Variants in KCNU1 observed in about 807,000 individuals in gnomAD.
The protein encoded by KCNU1 is potassium channel subfamily U member 1.
In KCNU1, 93 loss-of-function variants were observed where a neutral mutation model predicts 126.8. That is an observed-to-expected ratio of 0.73 (90% CI 0.62 to 0.87). The LOEUF is 0.87. KCNU1 is among the 40% of genes least tolerant of loss of function. KCNU1 has a pLI of 0.00. For synonymous variants in KCNU1, 523 were observed against 494.2 expected (o/e 1.06, Z -0.77); for missense variants, 1,330 against 1,367.1 (o/e 0.97, Z 0.43).
intron 9 of KCNU1, among the ~76,000 whole-genome samples, chr8:36,816,742 T>A (rs1361633740): frequency 9.2e-5 from 14 of 152,086 alleles, no homozygotes; most frequent in Non-Finnish European, 1.6e-4. Flanking sequence ...GTAAGAAAAT[T>A]TTTCATGACA....
chr8:36,900,502 G>A (rs1807372237), intron 19 of KCNU1, among the ~76,000 whole-genome samples: 1 of 152,044 alleles, frequency 6.6e-6, no homozygotes, highest in African/African-American at 2.4e-5. Flanking sequence ...AGGTGTGGGA[G>A]GGGGTATGTG....
chr8:36,785,438 A>G (rs1276651075), intron 1 of KCNU1, among the ~76,000 whole-genome samples: 2 of 152,186 alleles, frequency 1.3e-5, no homozygotes, highest in Non-Finnish European at 2.9e-5. Context: ...AATATTGAAA[A>G]TTTGCTTAAA....
chr8:36,857,076 G>A (rs1323644359), intron 18 of KCNU1, among the ~76,000 whole-genome samples: 1 of 152,212 alleles, frequency 6.6e-6, no homozygotes, highest in Admixed American at 6.5e-5. Context: ...TTGCAGGATG[G>A]TGGGTGGTGT....
chr8:36,864,646 C>T (rs1463664585), intron 19 of KCNU1, 125 bp downstream of exon 19: 23 of 636,928 alleles, frequency 3.6e-5, no homozygotes, highest in Admixed American at 1.3e-4. Context: ...ATTGTTCCTC[C>T]CCAAAATGAG....
In KCNU1 at chr8:36,840,977, C is replaced by A; in HGVS notation, c.1677C>A (p.Tyr559Ter). Reference protein sequence around the residue: ...KMHLLLIAIEYKSLFTDGFCG... With the variant: ...KMHLLLIAIE ...ACCTCCTGTTGATAGCCATCGAATA[C>A]AAGTCCCTCTTTACGGATGGTTTCT... Residue 559 changes from tyrosine (Y) to a stop codon, truncating the protein, a stop_gained, in exon 16 of 27, where the codon TAC becomes TAA. Coordinates refer to ENST00000399881, the MANE Select transcript of KCNU1 (RefSeq NM_001031836.3). LOFTEE classifies it high-confidence loss of function. The A allele has an allele frequency of 6.2e-7, 1 of 1,610,126 alleles. No homozygotes were observed. Among genetic ancestry groups the A allele is most frequent in the Non-Finnish European group, 8.5e-7 (1 of 1,177,370 alleles).
At chr8:36,910,760 G>A (rs1337933670) in intron 21 of KCNU1, among the ~76,000 whole-genome samples, 170 bp from the exon 22 acceptor site, 1 of 152,100 alleles carries the variant, frequency 6.6e-6, no homozygotes, top group Admixed American at 6.5e-5. Context: ...ATTAATGTTT[G>A]ATAAGGTTAA....
chr8:36,864,449 C>G lies in KCNU1; in HGVS notation c.1937C>G (p.Ser646Cys), dbSNP rs1201482161. 1 of 1,612,862 alleles carries G rather than the reference C, an allele frequency of 6.2e-7. No individual in the cohort carries two copies. The highest frequency in any genetic ancestry group is 1.1e-5 in the South Asian group (1 of 91,046). The change falls in exon 19 of 27, where the codon TCT becomes TGT. Residue 646 changes from serine (S) to cysteine (C), a missense_variant. Physicochemically the swap from Ser to Cys is moderately radical, Grantham distance 112. Transcript: ENST00000399881. ...RMKKCLKGIS[S>C]RISGQDSPPR... is the part of the protein sequence containing the mutation. ...AAAAAATGTCTGAAGGGAATCTCCT[C>G]TCGTATATCAGGGCAGGATTCTCCG...
intron 10 of KCNU1, among the ~76,000 whole-genome samples, chr8:36,831,448 A>G (rs1804542982): frequency 6.6e-6 from 1 of 152,154 alleles, no homozygotes; most frequent in African/African-American, 2.4e-5. Flanking sequence ...AATGATTGCC[A>G]TTCTAACTGC....
chr8:36,832,897 T>C (rs1804606781), intron 10 of KCNU1, among the ~76,000 whole-genome samples: 1 of 152,148 alleles, frequency 6.6e-6, no homozygotes, highest in African/African-American at 2.4e-5. Context: ...TAAAGAATTG[T>C]TGCAATTTCT....
chr8:36,877,001 A>G (rs1460112548), intron 19 of KCNU1, among the ~76,000 whole-genome samples: 4 of 152,308 alleles, frequency 2.6e-5, no homozygotes, highest in East Asian at 1.9e-4. Flanking sequence ...ATAATTTACT[A>G]TACCAAATTA....
chr8:36,809,512 C>T (rs1189486067), intron 7 of KCNU1, among the ~76,000 whole-genome samples: 1 of 152,136 alleles, frequency 6.6e-6, no homozygotes, highest in Non-Finnish European at 1.5e-5. Context: ...TTTAAAAATC[C>T]ATTAAAAAGT....
intron 18 of KCNU1, among the ~76,000 whole-genome samples, chr8:36,854,790 C>T (rs1284045735): frequency 2.0e-5 from 3 of 151,956 alleles, no homozygotes; most frequent in Non-Finnish European, 4.4e-5. Flanking sequence ...TGTTTCTTTC[C>T]AAGTCTTATA....
chr8:36,826,730 CT>C (rs932462363), intron 10 of KCNU1, among the ~76,000 whole-genome samples: 1 of 151,700 alleles, frequency 6.6e-6, no homozygotes, highest in Non-Finnish European at 1.5e-5. Context: ...AAAAAAGTAA[CT>C]TTTATTTTCA....
chr8:36,902,068 C>A (rs78287278), intron 19 of KCNU1, among the ~76,000 whole-genome samples: 1 of 152,026 alleles, frequency 6.6e-6, no homozygotes, highest in Admixed American at 6.6e-5. Flanking sequence ...TATGGCAGAA[C>A]GGAGCTTTAG....
At chr8:36,819,860 C>T (rs1804056545) in intron 10 of KCNU1, among the ~76,000 whole-genome samples, 1 of 152,132 alleles carries the variant, frequency 6.6e-6, no homozygotes, top group East Asian at 1.9e-4. Context: ...AATGTGAATT[C>T]TCTTTCTTCT....
chr8:36,889,472 G>GA (rs959301749), intron 19 of KCNU1, among the ~76,000 whole-genome samples: 164 of 149,916 alleles, frequency 1.1e-3, no homozygotes, highest in African/African-American at 3.1e-3. Flanking sequence ...CACTTTTAAG[G>GA]AAAAAAAAAC....
At chr8:36,891,843 C>T (rs551894342) in intron 19 of KCNU1, among the ~76,000 whole-genome samples, 1 of 152,018 alleles carries the variant, frequency 6.6e-6, no homozygotes, top group Admixed American at 6.6e-5. Flanking sequence ...TATTAAGGAT[C>T]CCTTGTAGAT....
In KCNU1 at chr8:36,900,038, T is replaced by G. The variant is rs200217310; in HGVS notation, c.2010-5670T>G. Among the ~76,000 whole-genome samples, 5 of 152,142 alleles carry G rather than the reference T, an allele frequency of 3.3e-5. No individual in the cohort carries two copies. The East Asian group carries it at 5.8e-4, about 18-fold the overall frequency. On this transcript the variant is annotated intron_variant, in intron 19 of 26. Transcript: ENST00000399881. ...TGGCAACCAAGGGGGCTTGGTGCTT[T>G]GGAAGTAACCAGGCTGCTGTCAACG...
chr8:36,806,523 A>G, intron 5 of KCNU1, 143 bp downstream of exon 5: 1 of 581,768 alleles, frequency 1.7e-6, no homozygotes, highest in Non-Finnish European at 3.0e-6. Flanking sequence ...TGGTTTTGTC[A>G]TACACTTGCA....
Sources: gnomAD v4.1 joint callset for allele counts (sites outside exome capture counted in the v4.1 genomes callset) on GRCh38, gnomAD v4.1.1 for gene constraint, MANE v1.5 for transcripts, NCBI Gene and HGNC (gene_info 2026-07-23, HGNC 2026-07-21) for gene names.